Variants in SHANK2 observed in about 807,000 individuals in gnomAD.
The protein encoded by SHANK2 is SH3 and multiple ankyrin repeat domains 2, also known as SH3 and multiple ankyrin repeat domains protein 2.
Under a neutral mutation model 133.7 loss-of-function variants are expected in SHANK2, and 43 were observed. The ratio of observed to expected loss-of-function variants is 0.32; its 90% CI spans 0.25 to 0.41. The LOEUF is 0.41. Among genes scored for constraint, SHANK2 ranks in the 10% least tolerant of loss-of-function variants. The pLI, the probability that SHANK2 is intolerant of heterozygous loss-of-function variation, is 1.00. For missense variants in SHANK2, 1,994 were observed against 2,235.8 expected (o/e 0.89, Z 2.18); for synonymous variants, 1,017 against 952.8 (o/e 1.07, Z -1.24).
At chr11:71,192,257 C>T in intron 2 of SHANK2, among the ~76,000 whole-genome samples, 1 of 152,198 alleles carries the variant, frequency 6.6e-6, no homozygotes, top group East Asian at 1.9e-4. Context: ...AATACAGTTA[C>T]ATTCTGTGGT....
intron 17 of SHANK2, among the ~76,000 whole-genome samples, chr11:70,553,851 C>A (rs61123231): frequency 5.8e-4 from 88 of 152,284 alleles, no homozygotes; most frequent in African/African-American, 2.0e-3. Flanking sequence ...AGAGCCCAGT[C>A]ACATCAGGAG....
intron 14 of SHANK2, among the ~76,000 whole-genome samples, chr11:70,737,878 G>A (rs375754423): frequency 6.6e-6 from 1 of 152,250 alleles, no homozygotes; most frequent in South Asian, 2.1e-4. Flanking sequence ...AAAACACTAA[G>A]TATATTTGCT....
Position 70,669,873 on chromosome 11 carries a change from G to A in SHANK2, c.1854-8195C>T, listed in dbSNP as rs964539913. Among the ~76,000 whole-genome samples, 6 of 152,346 alleles carry A rather than the reference G, an allele frequency of 3.9e-5. 1 individual carries two copies. The South Asian group carries it at 1.2e-3, about 32-fold the overall frequency. On this transcript the variant is annotated intron_variant, in intron 15 of 25. Transcript: ENST00000601538. Reference sequence around the variant, plus strand: ...TGATGGCGGCTGGGGAATCACAGGAGCTGCTGGGGAACGATCAGTGTATCA... The same window carrying A: ...TGATGGCGGCTGGGGAATCACAGGAACTGCTGGGGAACGATCAGTGTATCA...
At position 71,167,535 on chromosome 11, in the gene SHANK2, C is replaced by T. The variant is rs1239624426; in HGVS notation, c.-12-20197G>A. Among the ~76,000 whole-genome samples, 224 of 122,838 alleles carry T rather than the reference C, an allele frequency of 1.8e-3. 3 individuals carry two copies. The highest frequency in any genetic ancestry group is 6.5e-3 in the African/African-American group (186 of 28,486). 80.6% of individuals were successfully genotyped at this position (122,838 alleles called of 152,430 possible). Reference sequence around the variant, plus strand: ...CTCCCAGACAGGGCGGCTGGCCGGGCGGGGGGCTGACCCCCCCACCTCCCT... The same window carrying T: ...CTCCCAGACAGGGCGGCTGGCCGGGTGGGGGGCTGACCCCCCCACCTCCCT... On this transcript the variant is annotated intron_variant, in intron 2 of 25. Coordinates refer to ENST00000601538, the MANE Select transcript of SHANK2 (RefSeq NM_012309.5).
intron 14 of SHANK2, among the ~76,000 whole-genome samples, chr11:70,738,035 C>T (rs1298115407): frequency 2.0e-5 from 3 of 152,264 alleles, no homozygotes; most frequent in East Asian, 3.9e-4. Flanking sequence ...ACTACTGCAC[C>T]GGCTGGCTGC....
intron 1 of SHANK2, among the ~76,000 whole-genome samples, chr11:71,231,046 CATACAAAAATATTGACAAATAGG>C (rs1954733041): frequency 6.6e-6 from 1 of 152,216 alleles, no homozygotes; most frequent in South Asian, 2.1e-4. Flanking sequence ...GCACAATCCA[CATACAAAAATATTGACAAATAGG>C]TTCTCATCCA....
chr11:70,632,664 G>GCTGCTCTACC (rs1555002654), intron 17 of SHANK2, among the ~76,000 whole-genome samples: 1 of 152,122 alleles, frequency 6.6e-6, no homozygotes, highest in Non-Finnish European at 1.5e-5. Context: ...ACAGCCACAT[G>GCTGCTCTACC]CTGCTCTACC....
chr11:70,795,397 C>A (rs1591853746), intron 14 of SHANK2, among the ~76,000 whole-genome samples: 1 of 132,634 alleles, frequency 7.5e-6, no homozygotes, highest in African/African-American at 2.7e-5. Flanking sequence ...TTTTTCTTTT[C>A]TTTCTTTTTC....
At chr11:70,662,473 C>A (rs11237104) in intron 15 of SHANK2, among the ~76,000 whole-genome samples, 3 of 152,128 alleles carry the variant, frequency 2.0e-5, no homozygotes, top group Non-Finnish European at 4.4e-5. Context: ...AGCGTCCCCC[C>A]GGTCCCTTGC....
At chr11:70,676,639 T>C (rs1316460540) in intron 15 of SHANK2, among the ~76,000 whole-genome samples, 2 of 152,200 alleles carry the variant, frequency 1.3e-5, no homozygotes, top group African/African-American at 4.8e-5. Context: ...CTAATGAACA[T>C]AATGTGAATA....
chr11:70,702,105 C>T (rs1428875540), intron 14 of SHANK2, among the ~76,000 whole-genome samples: 1 of 151,766 alleles, frequency 6.6e-6, no homozygotes, highest in Non-Finnish European at 1.5e-5. Context: ...CCATCTTCTT[C>T]ACCATCATCA....
At chr11:71,150,491 C>G (rs1351408337) in intron 2 of SHANK2, among the ~76,000 whole-genome samples, 2 of 151,784 alleles carry the variant, frequency 1.3e-5, no homozygotes, top group African/African-American at 4.8e-5. Flanking sequence ...AAGTCTGCTG[C>G]CAATTATTCA....
Position 70,535,918 on chromosome 11 carries a change from C to G in SHANK2, c.2062-32987G>C, listed in dbSNP as rs1205685997. Among the ~76,000 whole-genome samples, 6 of 152,254 alleles carry G rather than the reference C, an allele frequency of 3.9e-5. No homozygotes were observed. Among genetic ancestry groups the G allele is most frequent in the Non-Finnish European group, 8.8e-5 (6 of 68,042 alleles). ...CTGGCCGGAGACCCCAGGAAAGGCA[C>G]ATAGCCCAGAATGGACATGTGGCTC... On this transcript the variant is annotated intron_variant, in intron 17 of 25. Transcript: ENST00000601538. This position sits in a 1 kb window ranked among gnomAD's most constrained non-coding sequence, Gnocchi z 4.3.
chr11:70,486,006 A>C lies in SHANK2; in HGVS notation c.4287T>G (p.Ala1429=), dbSNP rs116984460. The change falls in exon 25 of 26, where the codon GCT becomes GCG. Residue 1429 remains alanine, a synonymous_variant. Coordinates refer to ENST00000601538, the MANE Select transcript of SHANK2 (RefSeq NM_012309.5). The surrounding 1 kb of genome is among the most constrained non-coding windows in gnomAD (Gnocchi z 8.0). The stretch of plus-strand genomic sequence containing the variant: ...CTAAGTCTGAGAGAGCCGGGACAGA[A>C]GCTGCCCGGTCATCGGGGATATCAA... The part of the protein sequence containing the change: ...NSFDIPDDRA[A]SVPALSDLVK... 1 of 1,613,970 alleles carries C rather than the reference A, an allele frequency of 6.2e-7. No homozygotes were observed. Among genetic ancestry groups the C allele is most frequent in the East Asian group, 2.2e-5 (1 of 44,886 alleles).
intron 17 of SHANK2, among the ~76,000 whole-genome samples, chr11:70,626,481 C>T (rs1247745080): frequency 6.6e-6 from 1 of 152,134 alleles, no homozygotes; most frequent in Non-Finnish European, 1.5e-5. Context: ...AGTTCGACAA[C>T]CCCCAGGTGG....
intron 2 of SHANK2, among the ~76,000 whole-genome samples, chr11:71,189,336 C>A (rs1953742326): frequency 6.6e-6 from 1 of 152,216 alleles, no homozygotes; most frequent in South Asian, 2.1e-4. Flanking sequence ...GTGTAATTGA[C>A]AAACTCTACC....
chr11:71,234,438 T>A (rs976928047), intron 1 of SHANK2, among the ~76,000 whole-genome samples: 8 of 151,876 alleles, frequency 5.3e-5, no homozygotes, highest in Non-Finnish European at 1.2e-4. Flanking sequence ...GCACCTCTAT[T>A]TTTGGAGGTG....
intron 11 of SHANK2, among the ~76,000 whole-genome samples, chr11:70,834,076 TG>T (rs1190190811): frequency 6.6e-6 from 1 of 152,250 alleles, no homozygotes; most frequent in Non-Finnish European, 1.5e-5. Flanking sequence ...AATAAAATGT[TG>T]GGATGTAGGA....
intron 2 of SHANK2, among the ~76,000 whole-genome samples, chr11:71,200,366 G>C (rs1412702710): frequency 1.3e-5 from 2 of 152,200 alleles, no homozygotes; most frequent in Non-Finnish European, 2.9e-5. Context: ...TTACTCAGCT[G>C]ACAGACATCT....
Sources: gnomAD v4.1 joint callset for allele counts (sites outside exome capture counted in the v4.1 genomes callset) on GRCh38, gnomAD v4.1.1 for gene constraint, Gnocchi (gnomAD v3.1) non-coding constraint, MANE v1.5 for transcripts, NCBI Gene and HGNC (gene_info 2026-07-23, HGNC 2026-07-21) for gene names.